FIGN: variants seen among roughly 807,000 people sequenced by gnomAD.
FIGN encodes the protein fidgetin.
In FIGN, 11 loss-of-function variants were observed where a neutral mutation model predicts 51.3. The ratio of observed to expected loss-of-function variants is 0.21; its 90% CI spans 0.13 to 0.35. The LOEUF (loss-of-function observed/expected upper bound fraction) is 0.35. Ranked by LOEUF, FIGN falls within the 10% of genes least tolerant of loss-of-function variation. FIGN has a pLI of 1.00. For missense variants in FIGN, 857 were observed against 943.6 expected (o/e 0.91, Z 1.20); for synonymous variants, 407 against 363.2 (o/e 1.12, Z -1.37).
At chr2:163,624,407 T>C (rs1030565087) in intron 2 of FIGN, among the ~76,000 whole-genome samples, 1 of 150,942 alleles carries the variant, frequency 6.6e-6, no homozygotes. Flanking sequence ...TATAGCTTTA[T>C]ATTCCTAAGA....
intron 2 of FIGN, among the ~76,000 whole-genome samples, chr2:163,666,173 G>A (rs1683770540): frequency 6.6e-6 from 1 of 152,186 alleles, no homozygotes; most frequent in South Asian, 2.1e-4. Context: ...GATGCAGGAA[G>A]GAGTAAAGGA....
At chr2:163,656,692 A>C (rs1683563413) in intron 2 of FIGN, among the ~76,000 whole-genome samples, 1 of 152,108 alleles carries the variant, frequency 6.6e-6, no homozygotes, top group Non-Finnish European at 1.5e-5. Flanking sequence ...AACGGGCATT[A>C]TTTTCCACTG....
chr2:163,714,052 C>T (rs554110056), intron 2 of FIGN, among the ~76,000 whole-genome samples: 44 of 152,296 alleles, frequency 2.9e-4, no homozygotes, highest in Admixed American at 5.2e-4. Context: ...GGTCCACAGA[C>T]GGCTGCTCTC....
chr2:163,693,584 G>A (rs1684270158), intron 2 of FIGN, among the ~76,000 whole-genome samples: 1 of 152,050 alleles, frequency 6.6e-6, no homozygotes, highest in South Asian at 2.1e-4. Flanking sequence ...CAAAATTAGA[G>A]TAGTTACATC....
intron 2 of FIGN, among the ~76,000 whole-genome samples, chr2:163,679,587 G>T (rs1476931608): frequency 2.6e-5 from 4 of 151,836 alleles, no homozygotes; most frequent in African/African-American, 9.7e-5. Context: ...TCCTAATCCT[G>T]GTCTAACTTT....
chr2:163,652,443 G>A (rs993781285), intron 2 of FIGN, among the ~76,000 whole-genome samples: 1 of 147,100 alleles, frequency 6.8e-6, no homozygotes, highest in Non-Finnish European at 1.5e-5. Context: ...ATTCTACTTA[G>A]GGATAGGATT....
At chr2:163,621,825 C>G in intron 2 of FIGN, among the ~76,000 whole-genome samples, 1 of 152,082 alleles carries the variant, frequency 6.6e-6, no homozygotes. Context: ...GAGAGGATAT[C>G]AGCATCTTCA....
At chr2:163,644,269 T>A (rs1356750170) in intron 2 of FIGN, among the ~76,000 whole-genome samples, 1 of 152,136 alleles carries the variant, frequency 6.6e-6, no homozygotes, top group African/African-American at 2.4e-5. Context: ...ACAATTGGCA[T>A]TAATTTGAAT....
At chr2:163,666,479 T>G (rs1683775515) in intron 2 of FIGN, among the ~76,000 whole-genome samples, 2 of 152,156 alleles carry the variant, frequency 1.3e-5, no homozygotes, top group African/African-American at 2.4e-5. Context: ...GATGATATAT[T>G]AGAAGCTAGG....
At chr2:163,654,778 T>A (rs182710870) in intron 2 of FIGN, among the ~76,000 whole-genome samples, 1 of 152,172 alleles carries the variant, frequency 6.6e-6, no homozygotes, top group African/African-American at 2.4e-5. Flanking sequence ...CATTTACATG[T>A]GTATGCTCGT....
intron 2 of FIGN, among the ~76,000 whole-genome samples, chr2:163,676,484 A>ATATATATCTATCTAT (rs1491432139): frequency 1.8e-5 from 1 of 55,702 alleles, no homozygotes; most frequent in African/African-American, 5.0e-5. Flanking sequence ...TATATATATA[A>ATATATATCTATCTAT]CTAGAGTCTG....
chr2:163,730,367 A>G (rs1684906841), intron 2 of FIGN, among the ~76,000 whole-genome samples: 1 of 152,206 alleles, frequency 6.6e-6, no homozygotes, highest in African/African-American at 2.4e-5. Context: ...CAAGTTTAGG[A>G]AAAAAAGAAG....
chr2:163,658,364 G>GCTCTCTCTCTCTCT (rs55894952), intron 2 of FIGN, among the ~76,000 whole-genome samples: 8 of 137,702 alleles, frequency 5.8e-5, no homozygotes, highest in African/African-American at 1.4e-4. Flanking sequence ...TTAAGAAACA[G>GCTCTCTCTCTCTCT]CTCTCTCTCT....
At position 163,605,739 on chromosome 2, in the gene FIGN, C is replaced by G. The variant is rs1003834336; in HGVS notation, c.*3813G>C. 2 of 151,926 alleles carry G rather than the reference C, an allele frequency of 1.3e-5. No homozygotes were observed. The highest frequency in any genetic ancestry group is 2.9e-5 in the Non-Finnish European group (2 of 67,988). The allele number at this position is 151,926 out of a possible 1,614,324, so 9.4% of individuals were successfully genotyped here. A position where few individuals can be genotyped will look rare whatever the true frequency, so the allele number is the denominator to read the frequency against. On this transcript the variant is annotated 3_prime_UTR_variant, in exon 3 of 3. Coordinates refer to ENST00000333129, the MANE Select transcript of FIGN (RefSeq NM_018086.4). ...ATACAGATTCAATGATCATGCTACCCAATTCTAAGAAACATGAGAATGTGA... is the reference window on the plus strand; with the variant it reads ...ATACAGATTCAATGATCATGCTACCGAATTCTAAGAAACATGAGAATGTGA...
chr2:163,612,304 A>C, intron 2 of FIGN: 1 of 985,316 alleles, frequency 1.0e-6, no homozygotes, highest in Non-Finnish European at 1.2e-6. Flanking sequence ...AATGAGACAC[A>C]GCTGACAGAT....
intron 2 of FIGN, among the ~76,000 whole-genome samples, chr2:163,651,404 C>T (rs918391327): frequency 9.2e-5 from 14 of 151,976 alleles, no homozygotes; most frequent in Non-Finnish European, 1.2e-4. Context: ...TGCAGTGAGC[C>T]GAGATCAAGC....
chr2:163,694,767 A>G (rs945037343), intron 2 of FIGN, among the ~76,000 whole-genome samples: 3 of 152,108 alleles, frequency 2.0e-5, no homozygotes, highest in Non-Finnish European at 2.9e-5. Flanking sequence ...TACTCCCCCA[A>G]TCCTACCCTG....
chr2:163,695,620 C>T (rs1032458557), intron 2 of FIGN, among the ~76,000 whole-genome samples: 4 of 152,124 alleles, frequency 2.6e-5, no homozygotes, highest in Non-Finnish European at 4.4e-5. Flanking sequence ...TTAGTAATTA[C>T]GTTAGAACAA....
intron 2 of FIGN, among the ~76,000 whole-genome samples, chr2:163,644,254 A>G (rs568527775): frequency 3.7e-4 from 56 of 152,204 alleles, no homozygotes; most frequent in Non-Finnish European, 7.2e-4. Flanking sequence ...AAATACCCCA[A>G]TTAAACAATT....
Sources: gnomAD v4.1 joint callset for allele counts (sites outside exome capture counted in the v4.1 genomes callset) on GRCh38, gnomAD v4.1.1 for gene constraint, MANE v1.5 for transcripts, NCBI Gene and HGNC (gene_info 2026-07-23, HGNC 2026-07-21) for gene names.